The following RFTN1 variants were observed in gnomAD, a reference collection of about 807,000 sequenced individuals.
RFTN1 encodes the protein raftlin.
RFTN1 carries 26 observed loss-of-function variants against 46.5 expected under a neutral mutation model. That is an observed-to-expected ratio of 0.56 (90% CI 0.41 to 0.78). RFTN1 has a LOEUF of 0.78. Among genes scored for constraint, RFTN1 ranks in the 30% least tolerant of loss-of-function variants. The probability of loss-of-function intolerance (pLI) is 0.00; values close to 1 mark genes in which losing one functional copy is unlikely to be tolerated. For missense variants in RFTN1, 693 were observed against 718.7 expected (o/e 0.96, Z 0.41); for synonymous variants, 261 against 284.2 (o/e 0.92, Z 0.82).
At chr3:16,439,119 A>T (rs2075573590) in intron 2 of RFTN1, among the ~76,000 whole-genome samples, 1 of 152,226 alleles carries the variant, frequency 6.6e-6, no homozygotes. Flanking sequence ...AACAAATAAA[A>T]ATGAATCTCA....
At chr3:16,415,046 G>T (rs776816085) in intron 3 of RFTN1, among the ~76,000 whole-genome samples, 5 of 152,184 alleles carry the variant, frequency 3.3e-5, no homozygotes, top group African/African-American at 4.8e-5. Flanking sequence ...CCCTCTGGCT[G>T]TAAGGGGCAG....
intron 2 of RFTN1, among the ~76,000 whole-genome samples, chr3:16,461,358 AT>A (rs2076005895): frequency 1.3e-5 from 2 of 152,258 alleles, no homozygotes; most frequent in African/African-American, 4.8e-5. Flanking sequence ...TCCGTGAATA[AT>A]CAGGAATAAT....
In RFTN1 at chr3:16,452,343, T is replaced by C. The variant is rs1247271900; in HGVS notation, c.146-18306A>G. On this transcript the variant is annotated intron_variant, in intron 2 of 9. Transcript: ENST00000334133. The surrounding 1 kb of genome is among the most constrained non-coding windows in gnomAD (Gnocchi z 6.3). ...TAGAAGGCGAAGGGAAAAGTAATTT[T>C]AAAATGTGCGGGGTTACATTCAGAT... Among the ~76,000 whole-genome samples the C allele has an allele frequency of 6.6e-6, 1 of 152,194 alleles. No homozygotes were observed. The highest frequency in any genetic ancestry group is 1.5e-5 in the Non-Finnish European group (1 of 68,034).
At position 16,382,428 on chromosome 3, in the gene RFTN1, A is replaced by C. The variant is rs560407628; in HGVS notation, c.442-4326T>G. 6.6e-6 allele frequency among the ~76,000 whole-genome samples: 1 copy of C among 152,238 alleles called. No individual in the cohort carries two copies. The highest frequency in any genetic ancestry group is 1.5e-5 in the Non-Finnish European group (1 of 68,022). ...TCTCATTCTTGCATTTATAACCTTTACTGAGCCAGTCTCACATTCATCATG... is the reference window on the plus strand; with the variant it reads ...TCTCATTCTTGCATTTATAACCTTTCCTGAGCCAGTCTCACATTCATCATG... On this transcript the variant is annotated intron_variant, in intron 4 of 9. Transcript: ENST00000334133. The surrounding 1 kb of genome is among the most constrained non-coding windows in gnomAD (Gnocchi z 4.7).
rs368902264 is a variant in RFTN1, at chr3:16,316,996, A to G, written c.1569T>C (p.Gly523=). ...CCACACCCACCCCACACAGCAGGCCACCAGGGGACAGCTGTTCTCCCTTGT... is the reference window on the plus strand; with the variant it reads ...CCACACCCACCCCACACAGCAGGCCGCCAGGGGACAGCTGTTCTCCCTTGT... ...QEDKGEQLSP[G]GLLCGVGVEG... Residue 523 remains glycine, a synonymous_variant, in exon 10 of 10, where the codon GGT becomes GGC. Transcript: ENST00000334133. This position sits in a 1 kb window ranked among gnomAD's most constrained non-coding sequence, Gnocchi z 4.5. The G allele has an allele frequency of 9.3e-6, 15 of 1,613,126 alleles. No homozygotes were observed. The African/African-American group carries it at 2.0e-4, about 22-fold the overall frequency.
intron 2 of RFTN1, chr3:16,472,538 T>C (rs983603271): frequency 6.6e-6 from 1 of 152,132 alleles, no homozygotes; most frequent in African/African-American, 2.4e-5. Flanking sequence ...CCCAAAGGGG[T>C]GCAGGAACTT....
intron 2 of RFTN1, among the ~76,000 whole-genome samples, chr3:16,492,614 G>T (rs1041310668): frequency 5.9e-5 from 9 of 152,138 alleles, no homozygotes; most frequent in South Asian, 4.1e-4. Flanking sequence ...CAGAAGCCCA[G>T]GGAGAAAATG....
At chr3:16,362,956 C>G (rs1048450391) in intron 6 of RFTN1, among the ~76,000 whole-genome samples, 2 of 152,156 alleles carry the variant, frequency 1.3e-5, no homozygotes, top group Non-Finnish European at 2.9e-5. Flanking sequence ...AAAGCTACGG[C>G]TAGCTTGAGG....
chr3:16,495,893 A>C (rs2076617495), intron 1 of RFTN1, among the ~76,000 whole-genome samples: 1 of 152,272 alleles, frequency 6.6e-6, no homozygotes, highest in Non-Finnish European at 1.5e-5. Flanking sequence ...TGTATGTGGC[A>C]GTGCTGCTTC....
At chr3:16,372,023 T>A (rs1481495014) in intron 5 of RFTN1, among the ~76,000 whole-genome samples, 4 of 152,156 alleles carry the variant, frequency 2.6e-5, no homozygotes, top group African/African-American at 9.7e-5. Flanking sequence ...TGTCAGGGGT[T>A]CAATTAAAAG....
intron 2 of RFTN1, among the ~76,000 whole-genome samples, chr3:16,492,969 A>G (rs1338387946): frequency 1.3e-5 from 2 of 152,132 alleles, no homozygotes; most frequent in African/African-American, 4.8e-5. Context: ...GGACACTTGT[A>G]TGGTAGGTGA....
intron 1 of RFTN1, among the ~76,000 whole-genome samples, chr3:16,494,800 C>T (rs548928646): frequency 5.3e-5 from 8 of 152,182 alleles, no homozygotes; most frequent in Admixed American, 4.6e-4. Context: ...TAAGGATAAA[C>T]GATGCTTTCC....
chr3:16,377,953 G>T lies in RFTN1; in HGVS notation c.591C>A (p.His197Gln). 6.2e-7 allele frequency: 1 copy of T among 1,614,242 alleles called. No homozygotes were observed. The highest frequency in any genetic ancestry group is 1.7e-5 in the Admixed American group (1 of 60,034). Residue 197 changes from histidine to glutamine, a missense_variant, in exon 5 of 10, where the codon CAC (histidine) becomes CAA (glutamine). Physicochemically the swap from His to Gln is conservative, Grantham distance 24. Coordinates refer to ENST00000334133, the MANE Select transcript of RFTN1 (RefSeq NM_015150.2). ...CCGGTTTCTCATTCTCCAGTGACGC[G>T]TGATCCCCACGTGCGTTTTTTGCAT... ...ARDAKNARGD[H>Q]ASLENEKPGT...
intron 5 of RFTN1, among the ~76,000 whole-genome samples, chr3:16,375,555 A>G (rs2073735985): frequency 6.6e-6 from 1 of 151,836 alleles, no homozygotes; most frequent in Admixed American, 6.6e-5. Flanking sequence ...TGATCCCTGT[A>G]TGAAAAACCC....
intron 5 of RFTN1, among the ~76,000 whole-genome samples, chr3:16,375,496 A>C (rs1388383495): frequency 6.6e-6 from 1 of 152,216 alleles, no homozygotes; most frequent in East Asian, 1.9e-4. Flanking sequence ...AGAATAGGGC[A>C]CTTGGAGGGT....
chr3:16,468,772 A>C lies in RFTN1; in HGVS notation c.145+24953T>G, dbSNP rs897076661. ...TATCACCAATCATAAAAGATGACTT[A>C]TAAGAGGCCCTGGTGCCCCAGTACA... On this transcript the variant is annotated intron_variant, in intron 2 of 9. Transcript: ENST00000334133. The surrounding 1 kb of genome is among the most constrained non-coding windows in gnomAD (Gnocchi z 4.4). Among the ~76,000 whole-genome samples the C allele has an allele frequency of 1.3e-5, 2 of 152,246 alleles. No homozygotes were observed. The highest frequency in any genetic ancestry group is 2.4e-5 in the African/African-American group (1 of 41,462).
intron 1 of RFTN1, among the ~76,000 whole-genome samples, chr3:16,501,590 G>A (rs1230268502): frequency 6.6e-6 from 1 of 152,106 alleles, no homozygotes; most frequent in Non-Finnish European, 1.5e-5. Flanking sequence ...CCAGAGATGG[G>A]GCAATTATAT....
At chr3:16,419,208 G>A (rs1421805774) in intron 3 of RFTN1, among the ~76,000 whole-genome samples, 1 of 152,196 alleles carries the variant, frequency 6.6e-6, no homozygotes, top group African/African-American at 2.4e-5. Flanking sequence ...CCTAGGGAAC[G>A]TGTGGGTGAA....
At chr3:16,482,154 G>A (rs2124971479) in intron 2 of RFTN1, among the ~76,000 whole-genome samples, 1 of 152,264 alleles carries the variant, frequency 6.6e-6, no homozygotes, top group East Asian at 1.9e-4. Context: ...GTGGGTCCCA[G>A]GCAGCAGCAA....
Sources: allele counts gnomAD v4.1 joint callset (sites outside exome capture counted in the v4.1 genomes callset), GRCh38; gene constraint gnomAD v4.1.1; non-coding constraint Gnocchi (gnomAD v3.1); transcripts MANE v1.5; gene names NCBI Gene and HGNC (gene_info 2026-07-23, HGNC 2026-07-21).